PHLPP1: variants seen among roughly 807,000 people sequenced by gnomAD.
The protein encoded by PHLPP1 is PH domain and leucine rich repeat protein phosphatase 1.
In PHLPP1, 42 loss-of-function variants were observed where a neutral mutation model predicts 117.2. The observed-to-expected ratio is 0.36, with a 90% CI of 0.28 to 0.46. PHLPP1 has a LOEUF of 0.46. Ranked by LOEUF, PHLPP1 falls within the 20% of genes least tolerant of loss-of-function variation. The probability of loss-of-function intolerance (pLI) is 1.00; values close to 1 mark genes in which losing one functional copy is unlikely to be tolerated. For missense variants in PHLPP1, 2,084 were observed against 2,241.9 expected, an observed-to-expected ratio of 0.93 and a Z score of 1.42; for synonymous variants, 1,042 against 970.7, an observed-to-expected ratio of 1.07 and a Z score of -1.37.
At chr18:62,905,532 G>T (rs1407062486) in intron 8 of PHLPP1, among the ~76,000 whole-genome samples, 2 of 152,168 alleles carry the variant, frequency 1.3e-5, no homozygotes, top group Non-Finnish European at 2.9e-5. Flanking sequence ...TGAGTAAGTT[G>T]AGGGCCATAT....
intron 4 of PHLPP1, among the ~76,000 whole-genome samples, chr18:62,862,288 C>G (rs1445373934): frequency 6.6e-6 from 1 of 151,976 alleles, no homozygotes; most frequent in East Asian, 1.9e-4. Flanking sequence ...ACCATGTTGG[C>G]CAGTCTGGTC....
At chr18:62,959,776 A>G (rs1910712918) in intron 13 of PHLPP1, among the ~76,000 whole-genome samples, 1 of 152,256 alleles carries the variant, frequency 6.6e-6, no homozygotes, top group Non-Finnish European at 1.5e-5. Flanking sequence ...TTTGAAAAGC[A>G]CTTAAAGTGA....
Position 62,716,578 on chromosome 18 carries a change from C to T in PHLPP1, c.895C>T (p.Pro299Ser). The change falls in exon 1 of 17, where the codon CCC becomes TCC. Residue 299 changes from proline (P) to serine (S), a missense_variant. Pro to Ser is a moderately conservative substitution (Grantham distance 74). Coordinates refer to ENST00000262719, the MANE Select transcript of PHLPP1 (RefSeq NM_194449.4). The surrounding 1 kb of genome is among the most constrained non-coding windows in gnomAD (Gnocchi z 5.7). ...CTTCGGGGGGCCTCCGCGCGCGCCC[C>T]CCGCCGACCTACCCCTGCCCGTCGG... ...GAFGGPPRAP[P>S]ADLPLPVGGP... 1 of 1,213,556 alleles carries T rather than the reference C, an allele frequency of 8.2e-7. No individual in the cohort carries two copies. Among genetic ancestry groups the T allele is most frequent in the Non-Finnish European group, 1.0e-6 (1 of 976,606 alleles). 75.2% of individuals were successfully genotyped at this position (1,213,556 alleles called of 1,614,324 possible). A position where few individuals can be genotyped will look rare whatever the true frequency, so the allele number is the denominator to read the frequency against.
At chr18:62,954,035 C>A (rs879766526) in intron 12 of PHLPP1, among the ~76,000 whole-genome samples, 5 of 152,202 alleles carry the variant, frequency 3.3e-5, no homozygotes, top group Non-Finnish European at 7.3e-5. Context: ...AGGCTCCATG[C>A]AGCTTTTGTG....
chr18:62,852,355 A>T (rs1220058935), intron 3 of PHLPP1, among the ~76,000 whole-genome samples: 3 of 151,484 alleles, frequency 2.0e-5, no homozygotes, highest in Admixed American at 6.6e-5. Flanking sequence ...TTATTTATTT[A>T]TTTTTTGAGA....
In PHLPP1 at chr18:62,838,797, A is replaced by G; in HGVS notation, c.1787A>G (p.Lys596Arg). ...TTGCTTTTATAGGTAGAAGAAGTGA[A>G]AAAGCACCAACACTGTTTAGCATTT... ...PLIGGKVEEV[K>R]KHQHCLAFSS... Residue 596 changes from lysine (K) to arginine (R), a missense_variant, in exon 3 of 17, where the codon AAA (lysine) becomes AGA (arginine). Coordinates refer to ENST00000262719, the MANE Select transcript of PHLPP1 (RefSeq NM_194449.4). 6.2e-7 allele frequency: 1 copy of G among 1,613,850 alleles called. No homozygotes were observed.
chr18:62,867,861 G>T (rs1308379782), intron 4 of PHLPP1, among the ~76,000 whole-genome samples: 2 of 151,944 alleles, frequency 1.3e-5, no homozygotes, highest in Non-Finnish European at 2.9e-5. Flanking sequence ...GTCCAGGCTG[G>T]AGCGCAGTGG....
chr18:62,952,713 A>G (rs972049114), intron 12 of PHLPP1, among the ~76,000 whole-genome samples: 7 of 152,330 alleles, frequency 4.6e-5, no homozygotes, highest in Non-Finnish European at 7.3e-5. Context: ...TGCAGCCTCA[A>G]CTTCCTTGGC....
intron 1 of PHLPP1, among the ~76,000 whole-genome samples, chr18:62,746,137 G>A (rs1036268525): frequency 6.6e-6 from 1 of 151,930 alleles, no homozygotes; most frequent in Non-Finnish European, 1.5e-5. Context: ...TCCCCCTCCC[G>A]GGTTCAAGCG....
At chr18:62,830,362 A>ATGTAGCTG in intron 2 of PHLPP1, 131 bp downstream of exon 2, 1 of 682,530 alleles carries the variant, frequency 1.5e-6, no homozygotes, top group Non-Finnish European at 2.4e-6. Flanking sequence ...TGCCTCAGCC[A>ATGTAGCTG]GGATTACAGG....
At chr18:62,783,832 A>G (rs1913199629) in intron 1 of PHLPP1, among the ~76,000 whole-genome samples, 1 of 152,222 alleles carries the variant, frequency 6.6e-6, no homozygotes, top group Non-Finnish European at 1.5e-5. Context: ...AATGGAAGTA[A>G]AAAAGCAATA....
intron 1 of PHLPP1, among the ~76,000 whole-genome samples, chr18:62,755,797 T>C (rs2144241040): frequency 6.6e-6 from 1 of 152,342 alleles, no homozygotes; most frequent in Non-Finnish European, 1.5e-5. Flanking sequence ...GCTGGTAAGA[T>C]AGTTTGTATC....
At chr18:62,941,696 T>C (rs767880577) in intron 10 of PHLPP1, 22 bp from the exon 11 acceptor site, 65 of 1,589,612 alleles carry the variant, frequency 4.1e-5, no homozygotes, top group Non-Finnish European at 5.3e-5. Context: ...CAATGGCATT[T>C]TGTTGCGTTT....
At chr18:62,787,169 T>C (rs1163357487) in intron 1 of PHLPP1, among the ~76,000 whole-genome samples, 1 of 152,154 alleles carries the variant, frequency 6.6e-6, no homozygotes, top group Non-Finnish European at 1.5e-5. Flanking sequence ...CTCTCTTTTC[T>C]TTTTAGCTTA....
Position 62,920,016 on chromosome 18 carries a change from G to C in PHLPP1, c.2862G>C (p.Arg954Ser). The C allele has an allele frequency of 1.2e-6, 2 of 1,611,076 alleles. No individual in the cohort carries two copies. Among genetic ancestry groups the C allele is most frequent in the Non-Finnish European group, 1.7e-6 (2 of 1,178,418 alleles). ...KLLAGHNQLA[R>S]LPERLERTSV... ...TGGCAGGACACAACCAGTTGGCAAG[G>C]CTGCCTGAAAGGCTAGAAAGAACCT... The change falls in exon 10 of 17, where the codon AGG (arginine) becomes AGC (serine). Residue 954 changes from arginine to serine, a missense_variant. Arg to Ser is a moderately radical substitution (Grantham distance 110). Coordinates refer to ENST00000262719, the MANE Select transcript of PHLPP1 (RefSeq NM_194449.4).
At chr18:62,857,886 T>C (rs145541566) in intron 3 of PHLPP1, among the ~76,000 whole-genome samples, 2 of 152,324 alleles carry the variant, frequency 1.3e-5, no homozygotes, top group East Asian at 3.9e-4. Flanking sequence ...TCAACACATA[T>C]TTTTGAATGA....
At chr18:62,728,146 T>C (rs529801034) in intron 1 of PHLPP1, among the ~76,000 whole-genome samples, 20 of 151,860 alleles carry the variant, frequency 1.3e-4, no homozygotes, top group Middle Eastern at 3.4e-3. Context: ...AATACAAAAA[T>C]TAGCTGGACG....
chr18:62,979,846 CTTTTGTTTTG>C lies in PHLPP1; in HGVS notation c.*440_*449del, dbSNP rs3087164. 126 of 162,094 alleles carry C rather than the reference CTTTTGTTTTG, an allele frequency of 7.8e-4. No individual in the cohort carries two copies. The East Asian group carries it at 9.8e-3, about 13-fold the overall frequency. 10.0% of individuals were successfully genotyped at this position (162,094 alleles called of 1,614,324 possible). Reference sequence around the variant, plus strand: ...TCTGTATTTCTTTGGGGGGAAAAGGCTTTTGTTTTGTTTTGTTTTGTTTTGTTTTGTTTTT... The same window carrying C: ...TCTGTATTTCTTTGGGGGGAAAAGGCTTTTGTTTTGTTTTGTTTTGTTTTT... On this transcript the variant is annotated 3_prime_UTR_variant, in exon 17 of 17. Coordinates refer to ENST00000262719, the MANE Select transcript of PHLPP1 (RefSeq NM_194449.4).
Position 62,895,718 on chromosome 18 carries a change from T to A in PHLPP1, c.2214-63T>A, listed in dbSNP as rs1916543094. On this transcript the variant is annotated intron_variant, in intron 5 of 16. Coordinates refer to ENST00000262719, the MANE Select transcript of PHLPP1 (RefSeq NM_194449.4). ...ACGGTCTACACTTATGGAACTTGTA[T>A]GTTGATAATAAAGATGTAAAATTTA... 9.8e-6 allele frequency: 10 copies of A among 1,023,604 alleles called. No homozygotes were observed. The East Asian group carries it at 2.4e-4, about 24-fold the overall frequency. The allele number at this position is 1,023,604 out of a possible 1,614,324, so 63.4% of individuals were successfully genotyped here.
Sources: gnomAD v4.1 joint callset for allele counts (sites outside exome capture counted in the v4.1 genomes callset) on GRCh38, gnomAD v4.1.1 for gene constraint, Gnocchi (gnomAD v3.1) non-coding constraint, MANE v1.5 for transcripts, NCBI Gene and HGNC (gene_info 2026-07-23, HGNC 2026-07-21) for gene names.